Variants in MTX2 observed in about 807,000 individuals in gnomAD.
The protein encoded by MTX2 is metaxin 2.
Under a neutral mutation model 42.3 loss-of-function variants are expected in MTX2, and 35 were observed. The ratio of observed to expected loss-of-function variants is 0.83; its 90% CI spans 0.63 to 1.10. MTX2 has a LOEUF of 1.10. MTX2 is among the 50% of genes least tolerant of loss of function. The pLI is 0.00. For missense variants in MTX2, 307 were observed against 304.1 expected (o/e 1.01, Z -0.07); for synonymous variants, 119 against 100.9 (o/e 1.18, Z -1.08).
intron 3 of MTX2, among the ~76,000 whole-genome samples, chr2:176,308,851 T>C (rs1485032234): frequency 1.3e-5 from 2 of 152,186 alleles, no homozygotes; most frequent in African/African-American, 4.8e-5. Context: ...AGTTCCTAGA[T>C]TCATTGATAT....
chr2:176,313,388 C>CTTTTTTTTTTTTTTTTT (rs1207416607), intron 3 of MTX2, among the ~76,000 whole-genome samples: 1 of 103,510 alleles, frequency 9.7e-6, no homozygotes, highest in African/African-American at 3.9e-5. Context: ...TACACTGATT[C>CTTTTTTTTTTTTTTTTT]TTTTTTTTTT....
intron 1 of MTX2, among the ~76,000 whole-genome samples, chr2:176,294,027 G>T (rs892448416): frequency 1.4e-4 from 22 of 152,132 alleles, no homozygotes; most frequent in Non-Finnish European, 1.6e-4. Flanking sequence ...TTTTGGTAGA[G>T]TTACTTTCTG....
intron 4 of MTX2, among the ~76,000 whole-genome samples, chr2:176,325,768 AT>A (rs1013677900): frequency 4.0e-5 from 6 of 151,434 alleles, no homozygotes; most frequent in African/African-American, 1.2e-4. Flanking sequence ...AGATAAAAAA[AT>A]TTTTTTTTGC....
In MTX2 at chr2:176,326,825, G is replaced by A; in HGVS notation, c.209G>A (p.Gly70Asp). 1 of 1,547,812 alleles carries A rather than the reference G, an allele frequency of 6.5e-7. No individual in the cohort carries two copies. Among genetic ancestry groups the A allele is most frequent in the African/African-American group, 1.4e-5 (1 of 71,590 alleles). The change falls in exon 5 of 10, where the codon GGT becomes GAT. Residue 70 changes from glycine (G) to aspartate (D), a missense_variant and splice_region_variant. Physicochemically the swap from Gly to Asp is moderately conservative, Grantham distance 94 (BLOSUM62 -1). Coordinates refer to ENST00000249442, the MANE Select transcript of MTX2 (RefSeq NM_006554.5). ...RANAEYMSPS[G>D]KVPFIHVGNQ... is the part of the protein sequence containing the mutation. ...AAATACTTTTTTTTTCTCTCAACAG[G>A]TAAAGTACCTTTTATTCATGTGGGA...
intron 3 of MTX2, among the ~76,000 whole-genome samples, chr2:176,310,309 G>A (rs937179489): frequency 1.3e-5 from 2 of 152,084 alleles, no homozygotes; most frequent in African/African-American, 2.4e-5. Context: ...TGGGTAACTC[G>A]ACCTTTCTCT....
Position 176,297,892 on chromosome 2 carries a change from G to A in MTX2, c.132G>A (p.Val44=). 1 of 1,559,070 alleles carries A rather than the reference G, an allele frequency of 6.4e-7. No homozygotes were observed. The highest frequency in any genetic ancestry group is 8.7e-7 in the Non-Finnish European group (1 of 1,149,052). Residue 44 remains valine (V), a synonymous_variant, in exon 3 of 10, where the codon GTG becomes GTA. Transcript: ENST00000249442. The part of the protein sequence containing the change: ...LLSDNAASLA[V]QAFLQMCNLP... ...CTGACAATGCAGCTTCTCTTGCAGT[G>A]CAGGTAAATATGTAAATAATGTAAT...
Position 176,337,842 on chromosome 2 carries a change from G to T in MTX2, c.*178G>T. On this transcript the variant is annotated 3_prime_UTR_variant, in exon 10 of 10. Coordinates refer to ENST00000249442, the MANE Select transcript of MTX2 (RefSeq NM_006554.5). ...TTTGTGTATACATTAAAATAATTCTGAATTATTTAATCTGATATGTTGTAT... is the reference window on the plus strand; with the variant it reads ...TTTGTGTATACATTAAAATAATTCTTAATTATTTAATCTGATATGTTGTAT... The T allele has an allele frequency of 2.1e-6, 1 of 466,830 alleles. No homozygotes were observed. The highest frequency in any genetic ancestry group is 4.2e-5 in the Admixed American group (1 of 23,826). 28.9% of individuals were successfully genotyped at this position (466,830 alleles called of 1,614,324 possible).
chr2:176,314,206 C>T (rs958754830), intron 3 of MTX2, among the ~76,000 whole-genome samples: 3 of 152,052 alleles, frequency 2.0e-5, no homozygotes, highest in African/African-American at 7.2e-5. Context: ...GAATGTAAGA[C>T]GGGCAGATCA....
At chr2:176,302,126 GTTTTTT>G (rs80143449) in intron 3 of MTX2, among the ~76,000 whole-genome samples, 5 of 125,268 alleles carry the variant, frequency 4.0e-5, no homozygotes, top group African/African-American at 5.8e-5. Context: ...AAAAGCTGGT[GTTTTTT>G]TTTTTTTTTT....
chr2:176,319,271 A>G (rs1341165303), intron 3 of MTX2, among the ~76,000 whole-genome samples: 1 of 152,116 alleles, frequency 6.6e-6, no homozygotes, highest in Non-Finnish European at 1.5e-5. Flanking sequence ...TATTTGGAGT[A>G]TTTTTTGTGC....
chr2:176,308,712 G>A (rs1289340324), intron 3 of MTX2, among the ~76,000 whole-genome samples: 2 of 152,118 alleles, frequency 1.3e-5, no homozygotes, highest in African/African-American at 2.4e-5. Context: ...ATGGTAGGTT[G>A]TATTTCTTTG....
At chr2:176,308,325 C>T (rs1267177909) in intron 3 of MTX2, among the ~76,000 whole-genome samples, 2 of 152,024 alleles carry the variant, frequency 1.3e-5, no homozygotes, top group Non-Finnish European at 1.5e-5. Context: ...TGAGGATTTT[C>T]GCATTGATGT....
intron 3 of MTX2, among the ~76,000 whole-genome samples, chr2:176,309,994 T>TA (rs201679925): frequency 0.068 from 10,409 of 152,290 alleles, 392 homozygotes; most frequent in Non-Finnish European, 0.08. Context: ...AGTTTCTTCG[T>TA]AACATCGATG....
chr2:176,335,530 C>T (rs1684967816), intron 9 of MTX2, among the ~76,000 whole-genome samples: 1 of 151,882 alleles, frequency 6.6e-6, no homozygotes, highest in African/African-American at 2.4e-5. Flanking sequence ...GAGGCTATCT[C>T]AGTGGTCTAG....
chr2:176,299,375 C>T (rs1683969240), intron 3 of MTX2, among the ~76,000 whole-genome samples: 2 of 151,912 alleles, frequency 1.3e-5, no homozygotes, highest in African/African-American at 4.8e-5. Context: ...AAAAAACTAA[C>T]GTTTTAAATA....
At position 176,329,310 on chromosome 2, in the gene MTX2, G is replaced by A. The variant is rs747412662; in HGVS notation, c.427G>A (p.Ala143Thr). 6.2e-7 allele frequency: 1 copy of A among 1,604,462 alleles called. No individual in the cohort carries two copies. The highest frequency in any genetic ancestry group is 8.5e-7 in the Non-Finnish European group (1 of 1,174,134). Residue 143 changes from alanine to threonine, a missense_variant, in exon 8 of 10, where the codon GCT (alanine) becomes ACT (threonine). Transcript: ENST00000249442. ...AATCTTTTTACTTTAGATCACTCAT[G>A]CTAGGTATGGATCTCCTTACCCTTG... ...DEATVGEITH[A>T]RYGSPYPWPL...
intron 5 of MTX2, among the ~76,000 whole-genome samples, chr2:176,328,073 A>G (rs1684752630): frequency 1.3e-5 from 2 of 151,168 alleles, no homozygotes; most frequent in Non-Finnish European, 3.0e-5. Context: ...AATTTTCTCT[A>G]TTGAAAGATA....
At chr2:176,329,170 C>T (rs1005882954) in intron 7 of MTX2, 131 bp from the exon 8 acceptor site, 2 of 1,106,678 alleles carry the variant, frequency 1.8e-6, no homozygotes, top group African/African-American at 1.6e-5. Context: ...TTTTAGATTG[C>T]AGGATGTGTA....
intron 1 of MTX2, among the ~76,000 whole-genome samples, chr2:176,286,225 T>C (rs574745956): frequency 2.6e-5 from 4 of 152,182 alleles, no homozygotes; most frequent in African/African-American, 9.7e-5. Context: ...ATGTTGTCTT[T>C]TTATTATAGG....
Sources: allele counts gnomAD v4.1 joint callset (sites outside exome capture counted in the v4.1 genomes callset), GRCh38; gene constraint gnomAD v4.1.1; transcripts MANE v1.5; gene names NCBI Gene and HGNC (gene_info 2026-07-23, HGNC 2026-07-21).